The following PSMA8 variants were observed in gnomAD, a reference collection of about 807,000 sequenced individuals.
PSMA8 encodes the protein proteasome subunit alpha-type 8.
PSMA8 carries 18 observed loss-of-function variants against 32.4 expected under a neutral mutation model. The ratio of observed to expected loss-of-function variants is 0.56; its 90% CI spans 0.38 to 0.82. PSMA8 has a LOEUF of 0.82. Among genes scored for constraint, PSMA8 ranks in the 40% least tolerant of loss-of-function variants. The pLI is 0.00. For synonymous variants in PSMA8, 104 were observed against 98.1 expected, an observed-to-expected ratio of 1.06 and a Z score of -0.36; for missense variants, 298 against 300.7, an observed-to-expected ratio of 0.99 and a Z score of 0.07.
At chr18:26,150,901 A>T (rs1250838695) in intron 2 of PSMA8, among the ~76,000 whole-genome samples, 1 of 152,174 alleles carries the variant, frequency 6.6e-6, no homozygotes, top group Non-Finnish European at 1.5e-5. Flanking sequence ...ATTCTGTTTG[A>T]TCATATTTCA....
chr18:26,190,248 A>G (rs2055391074), intron 6 of PSMA8, among the ~76,000 whole-genome samples: 1 of 152,182 alleles, frequency 6.6e-6, no homozygotes, highest in African/African-American at 2.4e-5. Flanking sequence ...AACTATAGTC[A>G]ATAACAATTT....
chr18:26,165,779 G>T (rs928442121), intron 4 of PSMA8, among the ~76,000 whole-genome samples: 4 of 152,084 alleles, frequency 2.6e-5, no homozygotes, highest in Non-Finnish European at 5.9e-5. Context: ...TGACCTGCCA[G>T]ATTTGCTACT....
At position 26,177,418 on chromosome 18, in the gene PSMA8, C is replaced by A. The variant is rs77838974; in HGVS notation, c.478-1412C>A. Among the ~76,000 whole-genome samples, 62 of 152,276 alleles carry A rather than the reference C, an allele frequency of 4.1e-4. No individual in the cohort carries two copies. In the East Asian group the frequency reaches 0.011, roughly 28 times the overall value. The stretch of plus-strand genomic sequence containing the variant: ...CCTTTCCAAACCTCCATTTCTACAT[C>A]CAAGAATTGGGGTTAGTAACAGTAC... On this transcript the variant is annotated intron_variant, in intron 4 of 6. Coordinates refer to ENST00000415576, the MANE Select transcript of PSMA8 (RefSeq NM_001025096.2).
chr18:26,171,164 G>T, intron 4 of PSMA8: 6 of 1,559,292 alleles, frequency 3.8e-6, no homozygotes, highest in Non-Finnish European at 5.1e-6. Context: ...CTACTGAAGA[G>T]GTTGTGGTCA....
At chr18:26,154,828 G>C (rs188829583) in intron 3 of PSMA8, among the ~76,000 whole-genome samples, 68 of 152,190 alleles carry the variant, frequency 4.5e-4, no homozygotes, top group African/African-American at 1.6e-3. Flanking sequence ...TGTTGGCCAG[G>C]ATGGTCTCGA....
At chr18:26,148,575 A>ATC (rs2055021721) in intron 2 of PSMA8, among the ~76,000 whole-genome samples, 1 of 152,174 alleles carries the variant, frequency 6.6e-6, no homozygotes, top group Non-Finnish European at 1.5e-5. Context: ...CAGTGGTGAA[A>ATC]GATTGAAAGC....
At chr18:26,141,264 A>C (rs975026260) in intron 1 of PSMA8, among the ~76,000 whole-genome samples, 2 of 152,178 alleles carry the variant, frequency 1.3e-5, no homozygotes, top group African/African-American at 4.8e-5. Context: ...TTGATTAAAA[A>C]AATAAAATGA....
intron 4 of PSMA8, among the ~76,000 whole-genome samples, chr18:26,161,639 G>C (rs1305160117): frequency 6.6e-6 from 1 of 152,226 alleles, no homozygotes; most frequent in African/African-American, 2.4e-5. Flanking sequence ...TTGAGAAGCT[G>C]AGGCAGGAGA....
chr18:26,157,867 A>T (rs551592384), intron 3 of PSMA8, among the ~76,000 whole-genome samples: 1 of 152,338 alleles, frequency 6.6e-6, no homozygotes, highest in South Asian at 2.1e-4. Flanking sequence ...TACCAAACGT[A>T]TACAAAGCAA....
chr18:26,187,987 A>C (rs1355721756), intron 6 of PSMA8, among the ~76,000 whole-genome samples: 1 of 152,176 alleles, frequency 6.6e-6, no homozygotes, highest in Non-Finnish European at 1.5e-5. Context: ...AATATGCATT[A>C]TTCTCCTCAG....
intron 6 of PSMA8, among the ~76,000 whole-genome samples, chr18:26,187,504 A>T (rs1386865708): frequency 6.6e-6 from 1 of 152,180 alleles, no homozygotes; most frequent in Non-Finnish European, 1.5e-5. Flanking sequence ...TGGATTTAAA[A>T]AAAAAGACCC....
chr18:26,171,310 G>T, intron 4 of PSMA8: 1 of 1,499,884 alleles, frequency 6.7e-7, no homozygotes. Context: ...GGACCTCCGA[G>T]CCCGCTCGTT....
chr18:26,186,303 C>G (rs1186568858), intron 6 of PSMA8, among the ~76,000 whole-genome samples: 1 of 149,576 alleles, frequency 6.7e-6, no homozygotes, highest in Non-Finnish European at 1.5e-5. Flanking sequence ...TAGAGCTACC[C>G]TAGTTCAAAT....
At chr18:26,161,515 C>A (rs1275060384) in intron 4 of PSMA8, among the ~76,000 whole-genome samples, 1 of 152,168 alleles carries the variant, frequency 6.6e-6, no homozygotes, top group Non-Finnish European at 1.5e-5. Context: ...AGCCAATTCC[C>A]CTACTTCCTC....
chr18:26,167,956 T>G (rs1452232439), intron 4 of PSMA8, among the ~76,000 whole-genome samples: 1 of 114,848 alleles, frequency 8.7e-6, no homozygotes, highest in Non-Finnish European at 1.6e-5. Context: ...TCCAAAAGTC[T>G]TACAATGAAA....
At chr18:26,192,113 A>T (rs1018766450) in intron 6 of PSMA8, among the ~76,000 whole-genome samples, 1 of 152,178 alleles carries the variant, frequency 6.6e-6, no homozygotes, top group Non-Finnish European at 1.5e-5. Flanking sequence ...TAGCACAGTG[A>T]TAGTAGAAAT....
At chr18:26,171,114 C>A in intron 4 of PSMA8, 3 of 1,559,352 alleles carry the variant, frequency 1.9e-6, no homozygotes, top group Non-Finnish European at 2.6e-6. Flanking sequence ...AATGGAGAAC[C>A]AGGTCTTCTT....
intron 3 of PSMA8, among the ~76,000 whole-genome samples, chr18:26,156,396 T>C (rs1439583688): frequency 1.3e-5 from 2 of 152,088 alleles, no homozygotes; most frequent in Non-Finnish European, 2.9e-5. Context: ...AGGGAAGATA[T>C]ACAACCAGCC....
intron 4 of PSMA8, among the ~76,000 whole-genome samples, chr18:26,158,767 A>G (rs989824704): frequency 6.6e-6 from 1 of 152,148 alleles, no homozygotes; most frequent in Non-Finnish European, 1.5e-5. Flanking sequence ...TTGACACCCA[A>G]CTACAGTAAT....
Sources: gnomAD v4.1 joint callset for allele counts (sites outside exome capture counted in the v4.1 genomes callset) on GRCh38, gnomAD v4.1.1 for gene constraint, MANE v1.5 for transcripts, NCBI Gene and HGNC (gene_info 2026-07-23, HGNC 2026-07-21) for gene names.